The following AKAP7 variants were observed in gnomAD, a reference collection of about 807,000 sequenced individuals.
AKAP7 encodes A-kinase anchoring protein 7.
A neutral mutation model predicts 39.5 loss-of-function variants in AKAP7; 39 were observed. That is an observed-to-expected ratio of 0.99 (90% CI 0.76 to 1.29). The LOEUF is 1.29. AKAP7 is among the 50% of genes most tolerant of loss of function. The pLI, the probability that AKAP7 is intolerant of heterozygous loss-of-function variation, is 0.00. For missense variants in AKAP7, 414 were observed against 407.7 expected (o/e 1.02, Z -0.13); for synonymous variants, 140 against 139.1 (o/e 1.01, Z -0.05).
At chr6:131,187,294 T>G (rs950328718) in intron 5 of AKAP7, among the ~76,000 whole-genome samples, 3 of 152,144 alleles carry the variant, frequency 2.0e-5, no homozygotes, top group Admixed American at 2.0e-4. Context: ...TTTCTTTAAT[T>G]TCTTTTAGCA....
At chr6:131,242,039 A>G (rs983624819) in intron 7 of AKAP7, 1 of 978,294 alleles carries the variant, frequency 1.0e-6, no homozygotes, top group East Asian at 1.1e-4. Context: ...ATTAACCCAC[A>G]GGGATCCTTT....
chr6:131,180,961 CT>C (rs1195276592), intron 5 of AKAP7, among the ~76,000 whole-genome samples: 2 of 150,372 alleles, frequency 1.3e-5, no homozygotes, highest in Non-Finnish European at 3.0e-5. Context: ...CTATGTTTCT[CT>C]TTTTTTTGAA....
At chr6:131,126,130 T>A in the AKAP7 span, among the ~76,000 whole-genome samples, 1 of 152,216 alleles carries the variant, frequency 6.6e-6, no homozygotes, top group Non-Finnish European at 1.5e-5. Flanking sequence ...CTGGACAAAT[T>A]TGAGGCTTGA....
At chr6:131,177,246 G>A (rs1015187839) in intron 5 of AKAP7, among the ~76,000 whole-genome samples, 18 of 152,266 alleles carry the variant, frequency 1.2e-4, no homozygotes, top group Admixed American at 7.2e-4. Flanking sequence ...GAATACTTGA[G>A]GCTGGGTAAT....
chr6:131,148,816 T>C (rs975573753), intron 2 of AKAP7, among the ~76,000 whole-genome samples: 12 of 152,184 alleles, frequency 7.9e-5, no homozygotes, highest in African/African-American at 1.9e-4. Context: ...ATATAATTAG[T>C]TTGTGGCTTG....
At chr6:131,144,950 G>A (rs1327299521) in intron 1 of AKAP7, among the ~76,000 whole-genome samples, 1 of 152,178 alleles carries the variant, frequency 6.6e-6, no homozygotes, top group African/African-American at 2.4e-5. Flanking sequence ...AACCTTGCTG[G>A]TTGTTTTAAA....
intron 6 of AKAP7, among the ~76,000 whole-genome samples, chr6:131,219,209 G>A (rs1809477256): frequency 6.7e-6 from 1 of 150,288 alleles, no homozygotes; most frequent in South Asian, 2.1e-4. Context: ...AGAATCACTT[G>A]AACCCTGGAG....
intron 7 of AKAP7, among the ~76,000 whole-genome samples, chr6:131,265,556 G>A (rs1339590163): frequency 6.6e-6 from 1 of 152,162 alleles, no homozygotes; most frequent in Non-Finnish European, 1.5e-5. Flanking sequence ...TGGGGAGCTA[G>A]GATTCCAGCC....
In AKAP7 at chr6:131,281,741, C is replaced by T. The variant is rs774221633; in HGVS notation, c.*15C>T. On this transcript the variant is annotated 3_prime_UTR_variant, in exon 8 of 8. Coordinates refer to ENST00000431975, the MANE Select transcript of AKAP7 (RefSeq NM_016377.4). The surrounding 1 kb of genome is among the most constrained non-coding windows in gnomAD (Gnocchi z 4.0). The stretch of plus-strand genomic sequence containing the variant: ...ACAGGAAATGAGCCCGGAACGCAGG[C>T]CCCCATGTCTCTGTGCAAAGCCTCC... The T allele has an allele frequency of 5.7e-6, 9 of 1,579,388 alleles. No homozygotes were observed. The South Asian group carries it at 9.4e-5, about 17-fold the overall frequency.
At position 131,219,655 on chromosome 6, in the gene AKAP7, T is replaced by G. The variant is rs546260268; in HGVS notation, c.703-6T>G. On this transcript the variant is annotated splice_region_variant and splice_polypyrimidine_tract_variant and intron_variant, in intron 6 of 7. Coordinates refer to ENST00000431975, the MANE Select transcript of AKAP7 (RefSeq NM_016377.4). ...TTGATTGATTGATTTGTTTTTTCAT[T>G]TCAAGGGAGTGAAAAAAATAGATCC... is the stretch of plus-strand genomic sequence containing the variant. 3.3e-5 allele frequency: 53 copies of G among 1,591,782 alleles called. No homozygotes were observed. In the Middle Eastern group the frequency reaches 1.7e-3, roughly 50 times the overall value.
At chr6:131,252,958 G>T (rs1009499532) in intron 7 of AKAP7, 5 of 1,471,096 alleles carry the variant, frequency 3.4e-6, no homozygotes, top group Non-Finnish European at 4.7e-6. Flanking sequence ...GTTCCTCCTT[G>T]AAGGTAGCCC....
At chr6:131,193,847 G>C (rs1192677595) in intron 5 of AKAP7, among the ~76,000 whole-genome samples, 1 of 151,834 alleles carries the variant, frequency 6.6e-6, no homozygotes. Flanking sequence ...ATAGTTACTC[G>C]TAGCAGCCAC....
chr6:131,210,257 C>G (rs1317066430), intron 6 of AKAP7, among the ~76,000 whole-genome samples: 1 of 152,226 alleles, frequency 6.6e-6, no homozygotes, highest in Non-Finnish European at 1.5e-5. Flanking sequence ...TAGAATAATA[C>G]TGGTTCTTCA....
intron 7 of AKAP7, among the ~76,000 whole-genome samples, chr6:131,274,770 G>A (rs1585224982): frequency 6.6e-6 from 1 of 151,974 alleles, no homozygotes; most frequent in Admixed American, 6.6e-5. Flanking sequence ...TCTTTATCCT[G>A]ACAATATGGA....
intron 1 of AKAP7, chr6:131,136,977 T>C (rs960224992): frequency 1.5e-6 from 1 of 648,430 alleles, no homozygotes; most frequent in African/African-American, 2.0e-5. Context: ...TATATGTATT[T>C]AGAGACAGGG....
intron 5 of AKAP7, among the ~76,000 whole-genome samples, chr6:131,198,684 A>G (rs976193098): frequency 6.6e-6 from 1 of 152,130 alleles, no homozygotes; most frequent in Non-Finnish European, 1.5e-5. Flanking sequence ...TCTCCTACTT[A>G]TAGAAGGCCT....
intron 5 of AKAP7, among the ~76,000 whole-genome samples, chr6:131,192,599 G>T (rs770268585): frequency 6.6e-5 from 10 of 152,182 alleles, no homozygotes; most frequent in Non-Finnish European, 1.5e-4. Flanking sequence ...TTTTAGGATT[G>T]TTTTTTCTAT....
At chr6:131,209,360 C>T (rs993421887) in intron 6 of AKAP7, among the ~76,000 whole-genome samples, 2 of 152,076 alleles carry the variant, frequency 1.3e-5, no homozygotes, top group African/African-American at 4.8e-5. Flanking sequence ...ACGCCATTCT[C>T]CTGCCTCAGC....
intron 7 of AKAP7, among the ~76,000 whole-genome samples, chr6:131,276,248 A>T (rs952594507): frequency 1.3e-5 from 2 of 152,154 alleles, no homozygotes; most frequent in African/African-American, 4.8e-5. Flanking sequence ...TGTTTTAATT[A>T]TAAAATTTTC....
Sources: gnomAD v4.1 joint callset for allele counts (sites outside exome capture counted in the v4.1 genomes callset) on GRCh38, gnomAD v4.1.1 for gene constraint, Gnocchi (gnomAD v3.1) non-coding constraint, MANE v1.5 for transcripts, NCBI Gene and HGNC (gene_info 2026-07-23, HGNC 2026-07-21) for gene names.